The following CNTNAP2 variants were observed in gnomAD, a reference collection of about 807,000 sequenced individuals.
The protein encoded by CNTNAP2 is contactin associated protein 2, also known as contactin-associated protein-like 2.
In CNTNAP2, 98 loss-of-function variants were observed where a neutral mutation model predicts 155.2. The observed-to-expected ratio is 0.63, with a 90% CI of 0.54 to 0.75. The LOEUF is 0.75. Ranked by LOEUF, CNTNAP2 falls within the 30% of genes least tolerant of loss-of-function variation. CNTNAP2 has a pLI of 0.00. For missense variants in CNTNAP2, 1,727 were observed against 1,688.1 expected (o/e 1.02, Z -0.40); for synonymous variants, 651 against 631.2 (o/e 1.03, Z -0.47).
Position 147,128,854 on chromosome 7 carries a change from C to CA in CNTNAP2, c.1083+22dup. ...CAAATGTGGTAAGGATTTTCACCCG[C>CA]AAAATATTGGTCTATAAAATATCAA... is the stretch of plus-strand genomic sequence containing the variant. On this transcript the variant is annotated intron_variant, in intron 7 of 23. Transcript: ENST00000361727. 1 of 1,613,610 alleles carries CA rather than the reference C, an allele frequency of 6.2e-7. No individual in the cohort carries two copies. Among genetic ancestry groups the CA allele is most frequent in the Non-Finnish European group, 8.5e-7 (1 of 1,179,706 alleles).
At chr7:146,272,435 C>A (rs1056599600) in intron 1 of CNTNAP2, among the ~76,000 whole-genome samples, 1 of 152,152 alleles carries the variant, frequency 6.6e-6, no homozygotes, top group African/African-American at 2.4e-5. Flanking sequence ...CACTGTTATT[C>A]TCCTTTCTCC....
chr7:146,409,517 A>G (rs1795837641), intron 1 of CNTNAP2, among the ~76,000 whole-genome samples: 1 of 152,196 alleles, frequency 6.6e-6, no homozygotes, highest in South Asian at 2.1e-4. Context: ...ACCAATTAGA[A>G]TTTTTGAACA....
intron 10 of CNTNAP2, among the ~76,000 whole-genome samples, chr7:147,408,061 T>C (rs150111079): frequency 1.6e-4 from 25 of 152,368 alleles, no homozygotes; most frequent in African/African-American, 5.3e-4. Context: ...CAATGTTTCA[T>C]TGATTGCATA....
chr7:146,387,667 C>T (rs904943861), intron 1 of CNTNAP2, among the ~76,000 whole-genome samples: 3 of 152,138 alleles, frequency 2.0e-5, no homozygotes, highest in Non-Finnish European at 4.4e-5. Context: ...TTAATATTTC[C>T]ATCAGGCTGT....
chr7:148,300,614 A>G (rs1797368690), intron 21 of CNTNAP2, among the ~76,000 whole-genome samples: 1 of 150,952 alleles, frequency 6.6e-6, no homozygotes, highest in South Asian at 2.1e-4. Flanking sequence ...ACCCTAGGCT[A>G]TTTGTACACC....
At chr7:148,066,362 T>C (rs959207200) in intron 15 of CNTNAP2, among the ~76,000 whole-genome samples, 1 of 152,238 alleles carries the variant, frequency 6.6e-6, no homozygotes, top group African/African-American at 2.4e-5. Flanking sequence ...TCCTCAATTA[T>C]TTTCTCAAGT....
At chr7:147,897,479 C>T (rs1799796685) in intron 13 of CNTNAP2, among the ~76,000 whole-genome samples, 1 of 152,112 alleles carries the variant, frequency 6.6e-6, no homozygotes, top group Non-Finnish European at 1.5e-5. Context: ...AACAGTGATA[C>T]TAACCAAAAA....
At chr7:146,456,913 T>C (rs1796563484) in intron 1 of CNTNAP2, among the ~76,000 whole-genome samples, 1 of 152,186 alleles carries the variant, frequency 6.6e-6, no homozygotes. Flanking sequence ...AAGACAGTCT[T>C]AGAAATCATC....
intron 22 of CNTNAP2, among the ~76,000 whole-genome samples, chr7:148,387,465 TGA>T (rs1283825993): frequency 1.3e-5 from 2 of 152,086 alleles, no homozygotes; most frequent in African/African-American, 4.8e-5. Flanking sequence ...GAAAATAACA[TGA>T]GAGCTCGTGA....
At chr7:148,314,744 G>T (rs1797657245) in intron 21 of CNTNAP2, among the ~76,000 whole-genome samples, 1 of 152,214 alleles carries the variant, frequency 6.6e-6, no homozygotes, top group African/African-American at 2.4e-5. Context: ...CAGAAAAGCG[G>T]TACTTGCCAC....
chr7:147,498,047 C>T lies in CNTNAP2; in HGVS notation c.1777+12006C>T, dbSNP rs539719737. ...AGGAGAGAAGTACTGGGATTGCATG[C>T]GTATTAGATGCCCTTGAGTAAGGCA... On this transcript the variant is annotated intron_variant, in intron 11 of 23. Coordinates refer to ENST00000361727, the MANE Select transcript of CNTNAP2 (RefSeq NM_014141.6). 5.9e-5 allele frequency among the ~76,000 whole-genome samples: 9 copies of T among 152,062 alleles called. No homozygotes were observed. The South Asian group carries it at 8.3e-4, about 14-fold the overall frequency.
In CNTNAP2 at chr7:147,231,108, C is replaced by G. The variant is rs1015454961; in HGVS notation, c.1349-69033C>G. Among the ~76,000 whole-genome samples, 7 of 152,306 alleles carry G rather than the reference C, an allele frequency of 4.6e-5. No individual in the cohort carries two copies. In the East Asian group the frequency reaches 9.7e-4, roughly 21 times the overall value. The stretch of plus-strand genomic sequence containing the variant: ...GCCAAACACTTTTAAAACATCAGCT[C>G]TCCTGAGAACGCACTCACTACAATG... On this transcript the variant is annotated intron_variant, in intron 8 of 23. Coordinates refer to ENST00000361727, the MANE Select transcript of CNTNAP2 (RefSeq NM_014141.6).
chr7:146,796,225 T>A (rs770788882), intron 2 of CNTNAP2, among the ~76,000 whole-genome samples: 4 of 152,182 alleles, frequency 2.6e-5, no homozygotes, highest in Admixed American at 1.3e-4. Flanking sequence ...CCACCAGATT[T>A]GTATGCTTGC....
intron 13 of CNTNAP2, among the ~76,000 whole-genome samples, chr7:147,810,561 T>C (rs1402369488): frequency 6.6e-6 from 1 of 152,198 alleles, no homozygotes; most frequent in Non-Finnish European, 1.5e-5. Flanking sequence ...TCTTTCATGT[T>C]CCAGAATTTA....
intron 18 of CNTNAP2, among the ~76,000 whole-genome samples, chr7:148,199,451 G>A (rs1056048044): frequency 6.6e-6 from 1 of 152,146 alleles, no homozygotes; most frequent in Non-Finnish European, 1.5e-5. Flanking sequence ...CAAATTTAGT[G>A]GTTTGAGATA....
chr7:146,922,807 A>T (rs1796531703), intron 3 of CNTNAP2, among the ~76,000 whole-genome samples: 1 of 152,200 alleles, frequency 6.6e-6, no homozygotes, highest in Non-Finnish European at 1.5e-5. Context: ...GGAACAGGTT[A>T]ACTGTTAGTT....
At chr7:146,669,175 C>T (rs557836198) in intron 1 of CNTNAP2, among the ~76,000 whole-genome samples, 16 of 152,236 alleles carry the variant, frequency 1.1e-4, no homozygotes, top group Admixed American at 7.9e-4. Flanking sequence ...TCTCTCATAG[C>T]CACTTTGACT....
At chr7:147,752,386 A>G (rs1797149335) in intron 13 of CNTNAP2, among the ~76,000 whole-genome samples, 1 of 152,084 alleles carries the variant, frequency 6.6e-6, no homozygotes, top group Non-Finnish European at 1.5e-5. Context: ...CACTCCCATT[A>G]GAAGCTGTGA....
intron 8 of CNTNAP2, among the ~76,000 whole-genome samples, chr7:147,134,585 G>GA (rs945938236): frequency 5.3e-5 from 8 of 149,782 alleles, no homozygotes; most frequent in Admixed American, 1.3e-4. Flanking sequence ...AACATTAGTT[G>GA]AAAAAAAAAT....
Sources: allele counts gnomAD v4.1 joint callset (sites outside exome capture counted in the v4.1 genomes callset), GRCh38; gene constraint gnomAD v4.1.1; transcripts MANE v1.5; gene names NCBI Gene and HGNC (gene_info 2026-07-23, HGNC 2026-07-21).